DYNC1I1: variants seen among roughly 807,000 people sequenced by gnomAD.
The protein encoded by DYNC1I1 is dynein cytoplasmic 1 intermediate chain 1.
A neutral mutation model predicts 86.6 loss-of-function variants in DYNC1I1; 43 were observed. That is an observed-to-expected ratio of 0.50 (90% CI 0.39 to 0.64). The LOEUF (loss-of-function observed/expected upper bound fraction) is 0.64, where lower values mean the gene tolerates loss of function less well. Ranked by LOEUF, DYNC1I1 falls within the 30% of genes least tolerant of loss-of-function variation. DYNC1I1 has a pLI of 0.00. For missense variants in DYNC1I1, 604 were observed against 788.8 expected (o/e 0.77, Z 2.81); for synonymous variants, 262 against 283.7 (o/e 0.92, Z 0.77).
chr7:95,817,773 G>A (rs1336599916), intron 4 of DYNC1I1, among the ~76,000 whole-genome samples: 1 of 152,164 alleles, frequency 6.6e-6, no homozygotes, highest in African/African-American at 2.4e-5. Flanking sequence ...CCTTCAGATA[G>A]CAACCAGAAG....
At chr7:95,909,195 A>C (rs1289976084) in intron 6 of DYNC1I1, among the ~76,000 whole-genome samples, 1 of 127,472 alleles carries the variant, frequency 7.8e-6, no homozygotes, top group Non-Finnish European at 1.6e-5. Flanking sequence ...AAAAAAAAAA[A>C]AAAACCCAGC....
At chr7:95,798,715 G>A (rs1420509706) in intron 1 of DYNC1I1, among the ~76,000 whole-genome samples, 1 of 152,154 alleles carries the variant, frequency 6.6e-6, no homozygotes, top group Admixed American at 6.5e-5. Flanking sequence ...CAACCGAAAG[G>A]AAATAGAGAT....
At chr7:96,050,021 C>CAAAAAAA (rs1325932449) in intron 14 of DYNC1I1, among the ~76,000 whole-genome samples, 48 of 132,368 alleles carry the variant, frequency 3.6e-4, no homozygotes, top group African/African-American at 1.5e-3. Flanking sequence ...GACTCCATCT[C>CAAAAAAA]AAAAAAAACA....
chr7:95,816,939 G>GCTTA (rs1442512975), intron 4 of DYNC1I1, among the ~76,000 whole-genome samples: 1 of 152,118 alleles, frequency 6.6e-6, no homozygotes, highest in Admixed American at 6.6e-5. Context: ...GTCTGAAACA[G>GCTTA]CTTACGCTTT....
intron 6 of DYNC1I1, among the ~76,000 whole-genome samples, chr7:95,881,614 GATCA>G (rs1347314126): frequency 1.3e-5 from 2 of 152,124 alleles, no homozygotes; most frequent in African/African-American, 4.8e-5. Context: ...GTTTTCTTGT[GATCA>G]ATAGAGCAAG....
At chr7:95,838,220 G>T (rs1167658243) in intron 5 of DYNC1I1, among the ~76,000 whole-genome samples, 2 of 152,096 alleles carry the variant, frequency 1.3e-5, no homozygotes, top group Non-Finnish European at 1.5e-5. Context: ...GTACATGTAT[G>T]TGTGTGATAT....
intron 6 of DYNC1I1, among the ~76,000 whole-genome samples, chr7:95,887,190 C>G (rs1790615960): frequency 6.6e-6 from 1 of 152,152 alleles, no homozygotes; most frequent in Admixed American, 6.5e-5. Flanking sequence ...ATACAGATGT[C>G]TGGGCTTCAC....
intron 9 of DYNC1I1, among the ~76,000 whole-genome samples, chr7:95,991,587 G>A (rs1793730860): frequency 6.6e-6 from 1 of 152,078 alleles, no homozygotes; most frequent in African/African-American, 2.4e-5. Flanking sequence ...GTTAGAGAAC[G>A]CCTTTGGCTC....
chr7:95,914,064 G>A (rs1454691489), intron 6 of DYNC1I1, among the ~76,000 whole-genome samples: 4 of 152,184 alleles, frequency 2.6e-5, no homozygotes, highest in Non-Finnish European at 4.4e-5. Context: ...CATTCACCCA[G>A]GCAGGGACTG....
At chr7:95,829,724 G>A (rs1795280158) in intron 5 of DYNC1I1, among the ~76,000 whole-genome samples, 1 of 152,050 alleles carries the variant, frequency 6.6e-6, no homozygotes, top group Non-Finnish European at 1.5e-5. Flanking sequence ...CTTATTCTAG[G>A]GATATAGCAT....
chr7:95,967,065 G>A (rs1030334791), intron 6 of DYNC1I1, among the ~76,000 whole-genome samples: 2 of 151,894 alleles, frequency 1.3e-5, no homozygotes, highest in Non-Finnish European at 2.9e-5. Flanking sequence ...ATTTAAAACA[G>A]TAAAAATATT....
intron 1 of DYNC1I1, among the ~76,000 whole-genome samples, chr7:95,785,951 C>T (rs978648353): frequency 4.0e-5 from 6 of 151,586 alleles, no homozygotes; most frequent in Admixed American, 3.9e-4. Context: ...CACTTAATTT[C>T]TCACTCATTC....
chr7:95,863,315 A>G (rs1231933893), intron 5 of DYNC1I1, among the ~76,000 whole-genome samples: 1 of 152,074 alleles, frequency 6.6e-6, no homozygotes, highest in Non-Finnish European at 1.5e-5. Context: ...AGTAGAAAAC[A>G]TATTATTAGT....
At chr7:95,780,866 T>C (rs1415866113) in intron 1 of DYNC1I1, among the ~76,000 whole-genome samples, 1 of 152,172 alleles carries the variant, frequency 6.6e-6, no homozygotes, top group Non-Finnish European at 1.5e-5. Flanking sequence ...GCAGGCCCTG[T>C]GGGGAATGTG....
chr7:95,995,402 C>G (rs889904810), intron 9 of DYNC1I1, among the ~76,000 whole-genome samples: 1 of 152,118 alleles, frequency 6.6e-6, no homozygotes, highest in Non-Finnish European at 1.5e-5. Flanking sequence ...CTATGTGTTA[C>G]AATTGATGGG....
At chr7:96,019,044 T>C (rs1218219976) in intron 10 of DYNC1I1, among the ~76,000 whole-genome samples, 4 of 152,182 alleles carry the variant, frequency 2.6e-5, no homozygotes, top group African/African-American at 9.7e-5. Flanking sequence ...TTTGTGTTTT[T>C]TGTTTCTTCA....
intron 14 of DYNC1I1, among the ~76,000 whole-genome samples, chr7:96,064,442 T>C (rs910778617): frequency 3.9e-5 from 6 of 152,172 alleles, no homozygotes; most frequent in African/African-American, 1.4e-4. Flanking sequence ...TGGCCTACCT[T>C]TCATTACGAT....
In DYNC1I1 at chr7:96,086,410, C is replaced by T. The variant is rs188928842; in HGVS notation, c.1776+5922C>T. On this transcript the variant is annotated intron_variant, in intron 16 of 16. Coordinates refer to ENST00000447467, the MANE Select transcript of DYNC1I1 (RefSeq NM_001135556.2). ...TTACAGTAGTCAAATGATAAAATTA[C>T]AGAATCATTTTCAGCTCAAAGTAGG... 1.4e-3 allele frequency among the ~76,000 whole-genome samples: 215 copies of T among 152,296 alleles called. 1 individual carries two copies. The highest frequency in any genetic ancestry group is 6.8e-3 in the Middle Eastern group (2 of 294).
intron 4 of DYNC1I1, among the ~76,000 whole-genome samples, chr7:95,814,987 T>A (rs1794914834): frequency 6.6e-6 from 1 of 151,372 alleles, no homozygotes; most frequent in Non-Finnish European, 1.5e-5. Flanking sequence ...TCACATTTCT[T>A]GGGGGGGGTC....
Sources: allele counts gnomAD v4.1 joint callset (sites outside exome capture counted in the v4.1 genomes callset), GRCh38; gene constraint gnomAD v4.1.1; transcripts MANE v1.5; gene names NCBI Gene and HGNC (gene_info 2026-07-23, HGNC 2026-07-21).